Variants in MED29 observed in about 807,000 individuals in gnomAD.
The protein encoded by MED29 is mediator of RNA polymerase II transcription subunit 29.
A neutral mutation model predicts 22.0 loss-of-function variants in MED29; 14 were observed. The observed-to-expected ratio is 0.64, with a 90% CI of 0.42 to 0.99. MED29 has a LOEUF of 0.99. Ranked by LOEUF, MED29 falls within the 50% of genes least tolerant of loss-of-function variation. The probability of loss-of-function intolerance (pLI) is 0.00; values close to 1 mark genes in which losing one functional copy is unlikely to be tolerated. For missense variants in MED29, 241 were observed against 253.7 expected, an observed-to-expected ratio of 0.95 and a Z score of 0.34; for synonymous variants, 123 against 107.8, an observed-to-expected ratio of 1.14 and a Z score of -0.87.
At position 39,397,763 on chromosome 19, in the gene MED29, G is replaced by A. The variant is rs542173361; in HGVS notation, c.*64G>A. The A allele has an allele frequency of 1.5e-5, 24 of 1,565,870 alleles. No individual in the cohort carries two copies. Among genetic ancestry groups the A allele is most frequent in the South Asian group, 1.0e-4 (9 of 87,468 alleles). On this transcript the variant is annotated 3_prime_UTR_variant, in exon 4 of 4. Coordinates refer to ENST00000315588, the MANE Select transcript of MED29 (RefSeq NM_017592.4). ...GTGGTGTGCAAAGGGAATGAAGAGC[G>A]TCCTGGGCCTAAACACAGCAGCCTC...
intron 2 of MED29, among the ~76,000 whole-genome samples, chr19:39,393,081 CTTTTTTTTTTTTTTTTTTTT>C (rs142198224): frequency 9.5e-4 from 33 of 34,728 alleles, no homozygotes; most frequent in African/African-American, 2.7e-3. Context: ...TCTTTCTTTT[CTTTTTTTTTTTTTTTTTTTT>C]TTTTTTTTTT....
At chr19:39,395,155 G>T (rs1461727028) in intron 3 of MED29, among the ~76,000 whole-genome samples, 1 of 152,202 alleles carries the variant, frequency 6.6e-6, no homozygotes, top group East Asian at 1.9e-4. Flanking sequence ...CCTGGCCTGG[G>T]TTTTGAAGGA....
intron 3 of MED29, among the ~76,000 whole-genome samples, chr19:39,395,496 C>A (rs186344331): frequency 1.3e-5 from 2 of 151,936 alleles, no homozygotes; most frequent in Non-Finnish European, 2.9e-5. Context: ...AGGGCGGGGT[C>A]GTGAGGAAAT....
Position 39,397,544 on chromosome 19 carries a change from G to A in MED29, c.448G>A (p.Val150Met), listed in dbSNP as rs754240526. 6.2e-7 allele frequency: 1 copy of A among 1,613,472 alleles called. No homozygotes were observed. The highest frequency in any genetic ancestry group is 8.5e-7 in the Non-Finnish European group (1 of 1,180,032). ...GCCCACAGCCACCAAGCCCGACGCA[G>A]TGCAGCCTGACAGCCTCCCCTACCC... is the stretch of plus-strand genomic sequence containing the variant. ...LVPTATKPDA[V>M]QPDSLPYPQY... Residue 150 changes from valine to methionine, a missense_variant, in exon 4 of 4, where the codon GTG becomes ATG. Transcript: ENST00000315588.
rs2078438233 is a variant in MED29 at position 39,397,858 on chromosome 19, G to T, written c.*159G>T. 1.6e-6 allele frequency: 2 copies of T among 1,269,456 alleles called. No individual in the cohort carries two copies. The highest frequency in any genetic ancestry group is 2.1e-6 in the Non-Finnish European group (2 of 942,272). The allele number at this position is 1,269,456 out of a possible 1,614,324, so 78.6% of individuals were successfully genotyped here. On this transcript the variant is annotated 3_prime_UTR_variant, in exon 4 of 4. Coordinates refer to ENST00000315588, the MANE Select transcript of MED29 (RefSeq NM_017592.4). ...GCAGAGGCCAACAGGGAGCTCGCAGGCCGGGCCCCTGCGTCCCTGCCCCTT... is the reference window on the plus strand; with the variant it reads ...GCAGAGGCCAACAGGGAGCTCGCAGTCCGGGCCCCTGCGTCCCTGCCCCTT...
rs776760409 is a variant in MED29 at position 39,392,458 on chromosome 19, G to T, written c.217-6G>T. ...TTCCCACGTGTTTTGTTTTTGTTTT[G>T]ACTAGACCTTGATGAAGGTTGCGGC... On this transcript the variant is annotated splice_region_variant and splice_polypyrimidine_tract_variant and intron_variant, in intron 1 of 3. Coordinates refer to ENST00000315588, the MANE Select transcript of MED29 (RefSeq NM_017592.4). 2 of 1,613,556 alleles carry T rather than the reference G, an allele frequency of 1.2e-6. No individual in the cohort carries two copies. The highest frequency in any genetic ancestry group is 3.3e-5 in the Admixed American group (2 of 59,938).
At chr19:39,391,679 A>T in intron 1 of MED29, 41 bp downstream of exon 1, 7 of 1,531,850 alleles carry the variant, frequency 4.6e-6, no homozygotes, top group Non-Finnish European at 6.1e-6. Context: ...TGGATTTGGT[A>T]GTCTAGAGGG....
At chr19:39,397,403 G>A in intron 3 of MED29, 54 bp from the exon 4 acceptor site, 2 of 1,566,878 alleles carry the variant, frequency 1.3e-6, no homozygotes, top group Non-Finnish European at 1.7e-6. Context: ...CTTGGGGTGG[G>A]GTAGAATGAC....
rs2078437915 is a variant in MED29 at position 39,397,817 on chromosome 19, G to A, written c.*118G>A. The A allele has an allele frequency of 6.8e-7, 1 of 1,467,980 alleles. No individual in the cohort carries two copies. Among genetic ancestry groups the A allele is most frequent in the Non-Finnish European group, 9.1e-7 (1 of 1,104,606 alleles). 90.9% of individuals were successfully genotyped at this position (1,467,980 alleles called of 1,614,324 possible). On this transcript the variant is annotated 3_prime_UTR_variant, in exon 4 of 4. Transcript: ENST00000315588. ...TCTTCCTGCCTGAGCACCGCAGCGG[G>A]AGCCAGCAGGGGGCAGCAGAGGCCA...
intron 3 of MED29, among the ~76,000 whole-genome samples, chr19:39,394,055 G>A (rs1015930735): frequency 6.6e-6 from 1 of 152,174 alleles, no homozygotes; most frequent in African/African-American, 2.4e-5. Context: ...GAAGAGAAGA[G>A]GGGCAGGAGT....
rs1469545285 is a variant in MED29, at chr19:39,391,378, G to A, written c.-45G>A. The A allele has an allele frequency of 1.3e-6, 2 of 1,598,522 alleles. No homozygotes were observed. Among genetic ancestry groups the A allele is most frequent in the Middle Eastern group, 1.7e-4 (1 of 5,960 alleles). ...AATAGGGATGCTGAAAAGCAACGGG[G>A]AGAGACGCAGTCGTAACGCACTTCC... On this transcript the variant is annotated 5_prime_UTR_variant, in exon 1 of 4. Transcript: ENST00000315588.
At chr19:39,392,266 TGA>T (rs916943052) in intron 1 of MED29, among the ~76,000 whole-genome samples, 196 bp from the exon 2 acceptor site, 11 of 152,084 alleles carry the variant, frequency 7.2e-5, no homozygotes, top group African/African-American at 2.7e-4. Context: ...GAAGCTCAGG[TGA>T]GAGCGGGCCT....
At chr19:39,392,627 T>TTC (rs2078397773) in intron 2 of MED29, 105 bp downstream of exon 2, 1 of 631,818 alleles carries the variant, frequency 1.6e-6, no homozygotes, top group Admixed American at 3.8e-5. Flanking sequence ...ATATTTACTT[T>TTC]TTTTTTTTTT....
In MED29 at chr19:39,397,758, A is replaced by G. The variant is rs774467337; in HGVS notation, c.*59A>G. On this transcript the variant is annotated 3_prime_UTR_variant, in exon 4 of 4. Coordinates refer to ENST00000315588, the MANE Select transcript of MED29 (RefSeq NM_017592.4). ...GGTGGGTGGTGTGCAAAGGGAATGAAGAGCGTCCTGGGCCTAAACACAGCA... is the reference window on the plus strand; with the variant it reads ...GGTGGGTGGTGTGCAAAGGGAATGAGGAGCGTCCTGGGCCTAAACACAGCA... 1.7e-5 allele frequency: 27 copies of G among 1,575,644 alleles called. No individual in the cohort carries two copies. Among genetic ancestry groups the G allele is most frequent in the Middle Eastern group, 1.7e-4 (1 of 5,994 alleles).
At chr19:39,392,585 C>A in intron 2 of MED29, 63 bp downstream of exon 2, 2 of 1,422,930 alleles carry the variant, frequency 1.4e-6, no homozygotes, top group Non-Finnish European at 2.0e-6. Flanking sequence ...ATTCATCTTT[C>A]CTTCTCCTGC....
rs1170318898 is a variant in MED29, at chr19:39,399,069, T to C, written c.*1370T>C. The C allele has an allele frequency of 6.6e-6, 1 of 152,238 alleles. No homozygotes were observed. The highest frequency in any genetic ancestry group is 2.4e-5 in the African/African-American group (1 of 41,456). 9.4% of individuals were successfully genotyped at this position (152,238 alleles called of 1,614,324 possible). Reference sequence around the variant, plus strand: ...TTCAGGGGAGCCTCAGTTTTGCCCATTTATCTAATTGAATCAGTTTTTTAC... The same window carrying C: ...TTCAGGGGAGCCTCAGTTTTGCCCACTTATCTAATTGAATCAGTTTTTTAC... On this transcript the variant is annotated 3_prime_UTR_variant, in exon 4 of 4. Coordinates refer to ENST00000315588, the MANE Select transcript of MED29 (RefSeq NM_017592.4).
chr19:39,392,035 A>G (rs2078387081), intron 1 of MED29, among the ~76,000 whole-genome samples: 1 of 152,174 alleles, frequency 6.6e-6, no homozygotes, highest in African/African-American at 2.4e-5. Context: ...AAAAATAAAT[A>G]AATAAATAAA....
rs112396763 is a variant in MED29 at position 39,393,003 on chromosome 19, G to C, written c.275+481G>C. ...GGGTTCAAACAGTCCTTCCACCTTG[G>C]CCTCCCAAAGTGCTGGGATGACAGG... On this transcript the variant is annotated intron_variant, in intron 2 of 3. Coordinates refer to ENST00000315588, the MANE Select transcript of MED29 (RefSeq NM_017592.4). 2.1e-4 allele frequency among the ~76,000 whole-genome samples: 31 copies of C among 150,362 alleles called. 1 individual carries two copies. The highest frequency in any genetic ancestry group is 7.3e-4 in the African/African-American group (30 of 40,822).
chr19:39,396,585 G>C (rs2078429682), intron 3 of MED29, among the ~76,000 whole-genome samples: 1 of 152,148 alleles, frequency 6.6e-6, no homozygotes, highest in Non-Finnish European at 1.5e-5. Flanking sequence ...AATTAGCCAG[G>C]CTTGGTGGCA....
Sources: allele counts gnomAD v4.1 joint callset (sites outside exome capture counted in the v4.1 genomes callset), GRCh38; gene constraint gnomAD v4.1.1; transcripts MANE v1.5; gene names NCBI Gene and HGNC (gene_info 2026-07-23, HGNC 2026-07-21).